Variants in PLEKHA5 observed in about 807,000 individuals in gnomAD.
PLEKHA5 encodes the protein pleckstrin homology domain containing A5, also known as pleckstrin homology domain-containing family A member 5.
Under a neutral mutation model 181.9 loss-of-function variants are expected in PLEKHA5, and 55 were observed. That is an observed-to-expected ratio of 0.30 (90% CI 0.24 to 0.38). The LOEUF (loss-of-function observed/expected upper bound fraction) is 0.38. Among genes scored for constraint, PLEKHA5 ranks in the 10% least tolerant of loss-of-function variants. The probability of loss-of-function intolerance (pLI) is 1.00; values close to 1 mark genes in which losing one functional copy is unlikely to be tolerated. For missense variants in PLEKHA5, 1,432 were observed against 1,549.5 expected, an observed-to-expected ratio of 0.92 and a Z score of 1.27; for synonymous variants, 535 against 529.4, an observed-to-expected ratio of 1.01 and a Z score of -0.15.
At chr12:19,296,774 G>A (rs188136286) in intron 15 of PLEKHA5, among the ~76,000 whole-genome samples, 7,993 of 152,204 alleles carry the variant, frequency 0.053, 268 homozygotes, top group South Asian at 0.079. Context: ...AGGAGCTGAA[G>A]ACAGGAAGCA....
chr12:19,159,227 A>G (rs1299524322), intron 3 of PLEKHA5, among the ~76,000 whole-genome samples: 1 of 152,184 alleles, frequency 6.6e-6, no homozygotes, highest in Non-Finnish European at 1.5e-5. Context: ...TTGTATTCCT[A>G]GAAGCAAACA....
rs1380738621 is a variant in PLEKHA5, at chr12:19,375,791, T to C, written c.*272T>C. The stretch of plus-strand genomic sequence containing the variant: ...TCAGAGCACATAAGTAAAGGTGCTT[T>C]TTAATGTGCAGTCTATTTCCAGAGC... On this transcript the variant is annotated 3_prime_UTR_variant, in exon 32 of 32. Coordinates refer to ENST00000429027, the MANE Select transcript of PLEKHA5 (RefSeq NM_001256470.2). 6.6e-6 allele frequency: 1 copy of C among 152,656 alleles called. No individual in the cohort carries two copies. The highest frequency in any genetic ancestry group is 1.5e-5 in the Non-Finnish European group (1 of 68,050). The allele number at this position is 152,656 out of a possible 1,614,324, so 9.5% of individuals were successfully genotyped here.
At chr12:19,201,762 TTA>T (rs2054260377) in intron 3 of PLEKHA5, 1 of 152,040 alleles carries the variant, frequency 6.6e-6, no homozygotes, top group Non-Finnish European at 1.5e-5. Context: ...GAAAGGCAAA[TTA>T]TAGAGACAAA....
chr12:19,298,980 C>T (rs1404643719), intron 15 of PLEKHA5, among the ~76,000 whole-genome samples: 1 of 152,188 alleles, frequency 6.6e-6, no homozygotes, highest in Non-Finnish European at 1.5e-5. Flanking sequence ...AGCCTGACAC[C>T]AGTCTCTCAC....
rs1565654330 is a variant in PLEKHA5, at chr12:19,353,870, G to A, written c.3020-14G>A. On this transcript the variant is annotated splice_polypyrimidine_tract_variant and intron_variant, in intron 25 of 31. Transcript: ENST00000429027. ...AAGATGTTTTGTAAAACTTACTGCT[G>A]TTTTAATTTTTAGGTTCCCACTTTC... 1 of 1,239,454 alleles carries A rather than the reference G, an allele frequency of 8.1e-7. No individual in the cohort carries two copies. The highest frequency in any genetic ancestry group is 2.3e-5 in the East Asian group (1 of 43,132). 76.8% of individuals were successfully genotyped at this position (1,239,454 alleles called of 1,614,324 possible).
intron 6 of PLEKHA5, among the ~76,000 whole-genome samples, chr12:19,259,202 A>G (rs2067681064): frequency 1.3e-5 from 2 of 151,448 alleles, no homozygotes; most frequent in South Asian, 2.1e-4. Context: ...ACTTTAAAAA[A>G]AAACAAAAAA....
In PLEKHA5 at chr12:19,354,511, C is replaced by G. The variant is rs182997848; in HGVS notation, c.3138+509C>G. ...TTTTTTTTTTTTTGAGATGGAGTCT[C>G]GCTCTCTCGCCTGGGCTGGAGTGCA... On this transcript the variant is annotated intron_variant, in intron 26 of 31. Coordinates refer to ENST00000429027, the MANE Select transcript of PLEKHA5 (RefSeq NM_001256470.2). Among the ~76,000 whole-genome samples, 4 of 142,852 alleles carry G rather than the reference C, an allele frequency of 2.8e-5. No homozygotes were observed. In the South Asian group the frequency reaches 9.0e-4, roughly 32 times the overall value. 93.7% of individuals were successfully genotyped at this position (142,852 alleles called of 152,430 possible).
chr12:19,164,358 C>G (rs2043772293), intron 3 of PLEKHA5, among the ~76,000 whole-genome samples: 1 of 151,988 alleles, frequency 6.6e-6, no homozygotes, highest in Admixed American at 6.6e-5. Flanking sequence ...GTCACCACAG[C>G]TAATTTTTGT....
chr12:19,298,589 G>A (rs1266688755), intron 15 of PLEKHA5, among the ~76,000 whole-genome samples: 4 of 151,376 alleles, frequency 2.6e-5, no homozygotes, highest in African/African-American at 7.3e-5. Flanking sequence ...GGCTGGTCTC[G>A]AACTCCTGCC....
chr12:19,319,477 A>G (rs552220239), intron 16 of PLEKHA5, among the ~76,000 whole-genome samples: 1 of 152,350 alleles, frequency 6.6e-6, no homozygotes, highest in Non-Finnish European at 1.5e-5. Context: ...TTTCTTTCAT[A>G]GAGAAAACAT....
At chr12:19,295,900 C>T (rs937616799) in intron 15 of PLEKHA5, among the ~76,000 whole-genome samples, 1 of 152,212 alleles carries the variant, frequency 6.6e-6, no homozygotes, top group Admixed American at 6.5e-5. Context: ...AACAGTATCA[C>T]ACACCCTAAC....
chr12:19,191,899 T>C (rs1026905895), intron 3 of PLEKHA5, among the ~76,000 whole-genome samples: 3 of 152,144 alleles, frequency 2.0e-5, no homozygotes, highest in Non-Finnish European at 4.4e-5. Context: ...GAGAGTAAGG[T>C]AGAAGCCGCA....
At chr12:19,298,644 C>T (rs1185378389) in intron 15 of PLEKHA5, among the ~76,000 whole-genome samples, 7 of 151,888 alleles carry the variant, frequency 4.6e-5, no homozygotes, top group Non-Finnish European at 8.8e-5. Flanking sequence ...GCTGGGATTA[C>T]AGGTGTAAGC....
At chr12:19,258,937 T>A (rs952306533) in intron 6 of PLEKHA5, among the ~76,000 whole-genome samples, 7 of 152,150 alleles carry the variant, frequency 4.6e-5, no homozygotes, top group African/African-American at 1.7e-4. Flanking sequence ...TGATCCACTA[T>A]TTCAGTGCAA....
chr12:19,238,986 T>G (rs866770702), intron 3 of PLEKHA5, among the ~76,000 whole-genome samples: 5 of 152,126 alleles, frequency 3.3e-5, no homozygotes, highest in African/African-American at 1.2e-4. Flanking sequence ...AAAGTGTAAT[T>G]GTGCTACTCT....
chr12:19,305,861 C>CAAAAAAAAAAAAAAAAAA (rs376068601), intron 15 of PLEKHA5, among the ~76,000 whole-genome samples: 1 of 37,908 alleles, frequency 2.6e-5, no homozygotes, highest in African/African-American at 8.4e-5. Flanking sequence ...AACTCCATCT[C>CAAAAAAAAAAAAAAAAAA]AAAAAAAAAA....
rs567469274 is a variant in PLEKHA5, at chr12:19,230,032, G to A, written c.228-23908G>A. ...GTAGACATAAAGGTTCTCCAAGTCC[G>A]CACCAGATTAGCTAGATACAGAGTG... is the stretch of plus-strand genomic sequence containing the variant. On this transcript the variant is annotated intron_variant, in intron 3 of 31. Coordinates refer to ENST00000429027, the MANE Select transcript of PLEKHA5 (RefSeq NM_001256470.2). 1.5e-4 allele frequency among the ~76,000 whole-genome samples: 22 copies of A among 151,362 alleles called. No individual in the cohort carries two copies. The East Asian group carries it at 1.8e-3, about 12-fold the overall frequency.
chr12:19,347,197 T>A lies in PLEKHA5; in HGVS notation c.2898+15T>A. On this transcript the variant is annotated intron_variant, in intron 24 of 31. Transcript: ENST00000429027. ...GATCTCACTGTGTAAGTGGCTGGAA[T>A]AGCCACAGAATAATCAATCCTACAT... 2.1e-6 allele frequency: 3 copies of A among 1,429,810 alleles called. No homozygotes were observed. The highest frequency in any genetic ancestry group is 2.9e-6 in the Non-Finnish European group (3 of 1,041,320). The allele number at this position is 1,429,810 out of a possible 1,614,324, so 88.6% of individuals were successfully genotyped here. A position where few individuals can be genotyped will look rare whatever the true frequency, so the allele number is the denominator to read the frequency against.
At chr12:19,161,114 T>C (rs2151477221) in intron 3 of PLEKHA5, among the ~76,000 whole-genome samples, 1 of 152,344 alleles carries the variant, frequency 6.6e-6, no homozygotes, top group Non-Finnish European at 1.5e-5. Flanking sequence ...GCTATATTAA[T>C]ATTTTAAGTT....
Sources: allele counts gnomAD v4.1 joint callset (sites outside exome capture counted in the v4.1 genomes callset), GRCh38; gene constraint gnomAD v4.1.1; transcripts MANE v1.5; gene names NCBI Gene and HGNC (gene_info 2026-07-23, HGNC 2026-07-21).